Variants in APBB2 observed in about 807,000 individuals in gnomAD.
APBB2 encodes the protein amyloid beta precursor protein binding family B member 2.
A neutral mutation model predicts 82.5 loss-of-function variants in APBB2; 38 were observed. The observed-to-expected ratio is 0.46, with a 90% confidence interval of 0.36 to 0.60. The LOEUF is 0.60. APBB2 is among the 20% of genes least tolerant of loss of function. The pLI is 0.00. For missense variants in APBB2, 772 were observed against 972.3 expected, an observed-to-expected ratio of 0.79 and a Z score of 2.74; for synonymous variants, 341 against 368.2, an observed-to-expected ratio of 0.93 and a Z score of 0.85.
intron 10 of APBB2, among the ~76,000 whole-genome samples, chr4:40,907,339 A>AT (rs1449705938): frequency 3.3e-5 from 4 of 122,834 alleles, no homozygotes; most frequent in South Asian, 2.9e-4. Context: ...AATTTAATTT[A>AT]ATATATTACA....
intron 12 of APBB2, among the ~76,000 whole-genome samples, chr4:40,888,014 C>T (rs1241178617): frequency 6.6e-6 from 1 of 152,216 alleles, no homozygotes; most frequent in Admixed American, 6.5e-5. Context: ...CTCTAGATCA[C>T]GTGATCAAGC....
chr4:40,961,258 G>T (rs528123558), intron 6 of APBB2, among the ~76,000 whole-genome samples: 97 of 152,110 alleles, frequency 6.4e-4, no homozygotes, highest in African/African-American at 2.3e-3. Context: ...TAAATTCCAG[G>T]CCTAGTCTAG....
chr4:40,824,947 C>T (rs541504588), intron 15 of APBB2, among the ~76,000 whole-genome samples: 26 of 152,314 alleles, frequency 1.7e-4, no homozygotes, highest in African/African-American at 4.3e-4. Flanking sequence ...TTGGGCGTTT[C>T]ATATGAACGT....
intron 16 of APBB2, chr4:40,822,265 T>C (rs1748258506): frequency 5.3e-6 from 3 of 561,962 alleles, no homozygotes; most frequent in Non-Finnish European, 6.3e-6. Context: ...TGAACTACAC[T>C]GCTGTCATGG....
chr4:40,900,167 G>A (rs1774868545), intron 10 of APBB2, among the ~76,000 whole-genome samples: 1 of 152,170 alleles, frequency 6.6e-6, no homozygotes, highest in South Asian at 2.1e-4. Context: ...AGTCATCTAT[G>A]GGAATCATTT....
intron 4 of APBB2, among the ~76,000 whole-genome samples, chr4:41,034,730 G>GCA (rs1234717605): frequency 1.3e-5 from 2 of 152,034 alleles, no homozygotes; most frequent in Non-Finnish European, 2.9e-5. Flanking sequence ...AAATACATGT[G>GCA]CACACACACC....
At chr4:40,961,683 A>AGTTT (rs760708417) in intron 6 of APBB2, among the ~76,000 whole-genome samples, 1 of 140,170 alleles carries the variant, frequency 7.1e-6, no homozygotes, top group Non-Finnish European at 1.5e-5. Flanking sequence ...AAAAAAAAAA[A>AGTTT]AAAAAAAAAA....
chr4:41,170,450 G>A (rs573723645), intron 1 of APBB2, among the ~76,000 whole-genome samples: 5 of 152,242 alleles, frequency 3.3e-5, no homozygotes, highest in Admixed American at 3.3e-4. Context: ...GATATGCTCT[G>A]AGAAGCACAC....
At chr4:40,987,873 G>T (rs1800802149) in intron 6 of APBB2, among the ~76,000 whole-genome samples, 1 of 152,160 alleles carries the variant, frequency 6.6e-6, no homozygotes, top group African/African-American at 2.4e-5. Flanking sequence ...GAATTAGAAA[G>T]GAGAGAAGGG....
intron 10 of APBB2, among the ~76,000 whole-genome samples, chr4:40,922,635 G>A (rs1781544909): frequency 6.8e-6 from 1 of 146,506 alleles, no homozygotes; most frequent in Admixed American, 6.6e-5. Flanking sequence ...TTTTGAGATA[G>A]GATCTGGTTC....
chr4:41,151,951 T>C (rs978041452), intron 1 of APBB2, among the ~76,000 whole-genome samples: 2 of 152,132 alleles, frequency 1.3e-5, no homozygotes, highest in African/African-American at 4.8e-5. Flanking sequence ...ATAGTACTCC[T>C]AACCATTTAC....
chr4:41,084,090 A>T (rs1377944627), intron 3 of APBB2, among the ~76,000 whole-genome samples: 1 of 152,204 alleles, frequency 6.6e-6, no homozygotes, highest in Admixed American at 6.5e-5. Context: ...TAGTGACTAG[A>T]TAACAAACTA....
rs545797056 is a variant in APBB2, at chr4:40,980,852, T to G, written c.835+32731A>C. Among the ~76,000 whole-genome samples, 3 of 152,318 alleles carry G rather than the reference T, an allele frequency of 2.0e-5. No homozygotes were observed. In the South Asian group the frequency reaches 6.2e-4, roughly 32 times the overall value. Reference sequence around the variant, plus strand: ...ATCTATTCCAGCTTCCAATCTCTTTTCTTGACTAGGAGATATTTCAAGTAA... The same window carrying G: ...ATCTATTCCAGCTTCCAATCTCTTTGCTTGACTAGGAGATATTTCAAGTAA... On this transcript the variant is annotated intron_variant, in intron 6 of 17. Coordinates refer to ENST00000508593, the MANE Select transcript of APBB2 (RefSeq NM_004307.2).
intron 12 of APBB2, among the ~76,000 whole-genome samples, chr4:40,849,847 C>T (rs945813142): frequency 2.0e-5 from 3 of 151,142 alleles, no homozygotes; most frequent in Non-Finnish European, 4.4e-5. Flanking sequence ...CCTGCCTCAG[C>T]CTCTCGAGTA....
chr4:41,041,214 G>A (rs1468409740), intron 4 of APBB2, among the ~76,000 whole-genome samples: 1 of 152,066 alleles, frequency 6.6e-6, no homozygotes, highest in Non-Finnish European at 1.5e-5. Context: ...CTGGGGGTGG[G>A]TTTTAAAGTC....
intron 10 of APBB2, among the ~76,000 whole-genome samples, chr4:40,908,400 C>A (rs192222917): frequency 3.6e-3 from 549 of 152,244 alleles, no homozygotes; most frequent in Non-Finnish European, 5.9e-3. Flanking sequence ...GGCAGTGAAG[C>A]CTGAGTTTGT....
At chr4:40,971,140 GATTTCTACCGAC>G (rs1199934119) in intron 6 of APBB2, among the ~76,000 whole-genome samples, 1 of 152,146 alleles carries the variant, frequency 6.6e-6, no homozygotes, top group Non-Finnish European at 1.5e-5. Context: ...TTGCTCAGTA[GATTTCTACCGAC>G]TGATAAACTC....
chr4:40,908,850 A>C (rs1399608189), intron 10 of APBB2, among the ~76,000 whole-genome samples: 1 of 152,158 alleles, frequency 6.6e-6, no homozygotes, highest in African/African-American at 2.4e-5. Flanking sequence ...CCCTTGTGCA[A>C]ACTGTCCACT....
At position 40,893,337 on chromosome 4, in the gene APBB2, C is replaced by A. The variant is rs371799500; in HGVS notation, c.1329G>T (p.Ala443=). 7 of 1,613,338 alleles carry A rather than the reference C, an allele frequency of 4.3e-6. No individual in the cohort carries two copies. Among genetic ancestry groups the A allele is most frequent in the Non-Finnish European group, 5.9e-6 (7 of 1,179,788 alleles). The change falls in exon 11 of 18, where the codon GCG becomes GCT. Residue 443 remains alanine (A), a synonymous_variant. Coordinates refer to ENST00000508593, the MANE Select transcript of APBB2 (RefSeq NM_004307.2). ...EDLAPGKSSV[A]VNNCIRQLSY... ...AAAGTTGCCTGATGCAGTTGTTGAC[C>A]GCAACACTACTTTTACCGGGGGCGA...
Sources: gnomAD v4.1 joint callset for allele counts (sites outside exome capture counted in the v4.1 genomes callset) on GRCh38, gnomAD v4.1.1 for gene constraint, MANE v1.5 for transcripts, NCBI Gene and HGNC (gene_info 2026-07-23, HGNC 2026-07-21) for gene names.